The following FAT4 variants were observed in gnomAD, a reference collection of about 807,000 sequenced individuals.
FAT4 encodes the protein protocadherin Fat 4.
Under a neutral mutation model 303.9 loss-of-function variants are expected in FAT4, and 84 were observed. The observed-to-expected ratio is 0.28, with a 90% confidence interval of 0.23 to 0.33. The LOEUF (loss-of-function observed/expected upper bound fraction) is 0.33, where lower values mean the gene tolerates loss of function less well. FAT4 is among the 10% of genes least tolerant of loss of function. FAT4 has a pLI of 1.00. For synonymous variants in FAT4, 2,307 were observed against 2,298.8 expected (o/e 1.00, Z -0.10); for missense variants, 6,005 against 6,146.8 (o/e 0.98, Z 0.77).
At chr4:125,394,150 G>T in intron 2 of FAT4, 1 of 509,448 alleles carries the variant, frequency 2.0e-6, no homozygotes. Flanking sequence ...ATCTTAACGG[G>T]ATCATGAATC....
intron 11 of FAT4, among the ~76,000 whole-genome samples, chr4:125,466,647 G>A (rs1726671398): frequency 6.7e-6 from 1 of 149,858 alleles, no homozygotes; most frequent in Admixed American, 6.7e-5. Flanking sequence ...ATTATACTAT[G>A]TATAAAATAT....
At chr4:125,341,851 G>T (rs1167903003) in intron 2 of FAT4, among the ~76,000 whole-genome samples, 1 of 151,950 alleles carries the variant, frequency 6.6e-6, no homozygotes, top group East Asian at 1.9e-4. Context: ...AAATAAACAA[G>T]AATTCTTTTG....
At position 125,452,140 on chromosome 4, in the gene FAT4, A is replaced by G. The variant is rs1726106888; in HGVS notation, c.11130A>G (p.Thr3710=). Residue 3710 remains threonine, a synonymous_variant, in exon 10 of 18, where the codon ACA becomes ACG. Transcript: ENST00000394329. The part of the protein sequence containing the change: ...RVFFAGFSNA[T]VDNSILLRLG... ...TCTTTGCTGGATTTTCCAATGCCAC[A>G]GTGGATAACAGCATCTTACTTCGTC... is the stretch of plus-strand genomic sequence containing the variant. 6.2e-7 allele frequency: 1 copy of G among 1,614,112 alleles called. No homozygotes were observed. The highest frequency in any genetic ancestry group is 1.3e-5 in the African/African-American group (1 of 74,946).
At position 125,451,625 on chromosome 4, in the gene FAT4, C is replaced by T. The variant is rs1441265229; in HGVS notation, c.10615C>T (p.Leu3539Phe). ...VMTLQSTDPDLPPNQGPFTYY... is the reference protein window; with the variant it reads ...VMTLQSTDPDFPPNQGPFTYY... ...GACCCTTCAGTCCACTGACCCTGAT[C>T]TCCCTCCAAATCAAGGTCCCTTTAC... The change falls in exon 10 of 18, where the codon CTC (leucine) becomes TTC (phenylalanine). Residue 3539 changes from leucine to phenylalanine, a missense_variant. Physicochemically the swap from Leu to Phe is conservative, Grantham distance 22. Coordinates refer to ENST00000394329, the MANE Select transcript of FAT4 (RefSeq NM_001291303.3). 10 of 1,614,150 alleles carry T rather than the reference C, an allele frequency of 6.2e-6. No homozygotes were observed. Among genetic ancestry groups the T allele is most frequent in the Non-Finnish European group, 6.8e-6 (8 of 1,180,022 alleles).
chr4:125,421,144 A>AGC (rs1290411121), intron 7 of FAT4, among the ~76,000 whole-genome samples: 1 of 152,162 alleles, frequency 6.6e-6, no homozygotes, highest in African/African-American at 2.4e-5. Flanking sequence ...GCTGGTCTCG[A>AGC]ACCCCTGAGC....
intron 14 of FAT4, among the ~76,000 whole-genome samples, chr4:125,477,986 T>C (rs559877300): frequency 2.0e-5 from 3 of 152,266 alleles, no homozygotes; most frequent in South Asian, 2.1e-4. Flanking sequence ...TAGGTTATTG[T>C]CATGTTTTGA....
intron 2 of FAT4, among the ~76,000 whole-genome samples, chr4:125,351,981 T>C (rs1732242968): frequency 6.6e-6 from 1 of 151,712 alleles, no homozygotes; most frequent in Admixed American, 6.6e-5. Context: ...TGCTACCTGT[T>C]GAAGCATTTT....
At position 125,415,661 on chromosome 4, in the gene FAT4, A is replaced by G. The variant is rs1186512877; in HGVS notation, c.6698A>G (p.Asp2233Gly). 4 of 1,614,040 alleles carry G rather than the reference A, an allele frequency of 2.5e-6. No individual in the cohort carries two copies. The South Asian group carries it at 4.4e-5, about 18-fold the overall frequency. The change falls in exon 6 of 18, where the codon GAT (aspartate) becomes GGT (glycine). Residue 2233 changes from aspartate to glycine, a missense_variant. Physicochemically the swap from Asp to Gly is moderately conservative, Grantham distance 94. Coordinates refer to ENST00000394329, the MANE Select transcript of FAT4 (RefSeq NM_001291303.3). ...TACCATTTAACTGTTCAGGCAACAG[A>G]TCGAGGCAGCACACCCAGAACTGAT... ...PTYHLTVQAT[D>G]RGSTPRTDTS... is the part of the protein sequence containing the mutation.
chr4:125,423,753 T>G (rs1289150536), intron 7 of FAT4, among the ~76,000 whole-genome samples: 1 of 152,162 alleles, frequency 6.6e-6, no homozygotes. Context: ...GACTGTACCC[T>G]GCAAAGCCAC....
intron 2 of FAT4, among the ~76,000 whole-genome samples, chr4:125,388,206 C>G (rs1733836650): frequency 6.6e-6 from 1 of 152,054 alleles, no homozygotes; most frequent in East Asian, 1.9e-4. Context: ...TATGAAAGAG[C>G]CCAAAAAAGG....
chr4:125,327,614 T>C (rs1731208995), intron 2 of FAT4, among the ~76,000 whole-genome samples: 1 of 152,244 alleles, frequency 6.6e-6, no homozygotes, highest in Non-Finnish European at 1.5e-5. Context: ...TGGCTAATTA[T>C]GTTCATGCTG....
At chr4:125,435,361 G>A (rs1258451679) in intron 8 of FAT4, among the ~76,000 whole-genome samples, 1 of 152,106 alleles carries the variant, frequency 6.6e-6, no homozygotes, top group Admixed American at 6.6e-5. Context: ...CTATAGGCTG[G>A]TATTAGGTAA....
Position 125,415,552 on chromosome 4 carries a change from A to C in FAT4, c.6589A>C (p.Asn2197His). 1 of 1,614,076 alleles carries C rather than the reference A, an allele frequency of 6.2e-7. No homozygotes were observed. Among genetic ancestry groups the C allele is most frequent in the Non-Finnish European group, 8.5e-7 (1 of 1,179,956 alleles). The change falls in exon 6 of 18, where the codon AAT becomes CAT. Residue 2197 changes from asparagine to histidine, a missense_variant. By Grantham distance (68) the Asn-to-His change is moderately conservative. Coordinates refer to ENST00000394329, the MANE Select transcript of FAT4 (RefSeq NM_001291303.3). ...GGTTCGCTATGGCATTGTTAATGGTAATACCAATCAGGAATTTCGGATAGA... is the reference window on the plus strand; with the variant it reads ...GGTTCGCTATGGCATTGTTAATGGTCATACCAATCAGGAATTTCGGATAGA... ...GQVRYGIVNG[N>H]TNQEFRIDSV...
chr4:125,368,639 A>G (rs1306489712), intron 2 of FAT4, among the ~76,000 whole-genome samples: 7 of 151,490 alleles, frequency 4.6e-5, no homozygotes, highest in African/African-American at 1.7e-4. Context: ...ATTTTTAAAA[A>G]GTATGATTAA....
At chr4:125,367,755 C>G (rs2125989405) in intron 2 of FAT4, among the ~76,000 whole-genome samples, 1 of 152,194 alleles carries the variant, frequency 6.6e-6, no homozygotes, top group Admixed American at 6.5e-5. Context: ...CATTTTTAAT[C>G]AGATATCCCC....
At chr4:125,410,683 A>C (rs1734805281) in intron 5 of FAT4, among the ~76,000 whole-genome samples, 1 of 152,128 alleles carries the variant, frequency 6.6e-6, no homozygotes, top group African/African-American at 2.4e-5. Context: ...TTACCATCAT[A>C]ACTTAAAATA....
chr4:125,315,090 G>GTGCA lies in FAT4; in HGVS notation c.-896_-893dup, dbSNP rs1295177093. Among the ~76,000 whole-genome samples, 1 of 152,122 alleles carries GTGCA rather than the reference G, an allele frequency of 6.6e-6. No homozygotes were observed. The highest frequency in any genetic ancestry group is 1.5e-5 in the Non-Finnish European group (1 of 68,018). On this transcript the variant is annotated 5_prime_UTR_variant, in exon 1 of 18. In the 5' UTR this introduces an upstream ATG that the reference lacks. Transcript: ENST00000394329. The stretch of plus-strand genomic sequence containing the variant: ...TGTGTGCGTGTGTATGTGTGTGTGT[G>GTGCA]TGCATGCCTGTGCGGCGGGGAAGGG...
At chr4:125,429,191 A>G (rs921209826) in intron 7 of FAT4, among the ~76,000 whole-genome samples, 1 of 152,190 alleles carries the variant, frequency 6.6e-6, no homozygotes, top group Admixed American at 6.5e-5. Context: ...CCCAGACTAT[A>G]AAAGTATAGT....
intron 12 of FAT4, among the ~76,000 whole-genome samples, chr4:125,469,237 A>G (rs981940644): frequency 6.6e-6 from 1 of 152,206 alleles, no homozygotes; most frequent in Admixed American, 6.5e-5. Context: ...AAATGGTAAC[A>G]ATAGTCTTAG....
Sources: gnomAD v4.1 joint callset for allele counts (sites outside exome capture counted in the v4.1 genomes callset) on GRCh38, gnomAD v4.1.1 for gene constraint, MANE v1.5 for transcripts, NCBI Gene and HGNC (gene_info 2026-07-23, HGNC 2026-07-21) for gene names.